The following NID1 variants were observed in gnomAD, a reference collection of about 807,000 sequenced individuals.
The protein encoded by NID1 is nidogen-1.
In NID1, 76 loss-of-function variants were observed where a neutral mutation model predicts 130.6. The ratio of observed to expected loss-of-function variants is 0.58; its 90% CI spans 0.48 to 0.70. The LOEUF is 0.70. Ranked by LOEUF, NID1 falls within the 30% of genes least tolerant of loss-of-function variation. The pLI, the probability that NID1 is intolerant of heterozygous loss-of-function variation, is 0.00. For synonymous variants in NID1, 665 were observed against 675.1 expected (o/e 0.98, Z 0.23); for missense variants, 1,517 against 1,664.8 (o/e 0.91, Z 1.54).
At chr1:236,018,999 A>G (rs1394575017) in intron 9 of NID1, among the ~76,000 whole-genome samples, 1 of 152,230 alleles carries the variant, frequency 6.6e-6, no homozygotes, top group Non-Finnish European at 1.5e-5. Context: ...TCAGCCTCAT[A>G]GTTTGTCCTG....
intron 12 of NID1, among the ~76,000 whole-genome samples, chr1:236,006,846 C>G (rs1658262413): frequency 6.6e-6 from 1 of 151,746 alleles, no homozygotes. Flanking sequence ...TTGCTTGCAT[C>G]TATGTTTTAT....
intron 1 of NID1, among the ~76,000 whole-genome samples, chr1:236,056,333 T>G (rs1659898100): frequency 2.0e-5 from 3 of 152,198 alleles, no homozygotes; most frequent in African/African-American, 7.2e-5. Flanking sequence ...AGACCCACTT[T>G]ATTATTTTAT....
chr1:235,985,355 GA>G, intron 15 of NID1, 23 bp downstream of exon 15: 1 of 1,613,736 alleles, frequency 6.2e-7, no homozygotes, highest in Non-Finnish European at 8.5e-7. Context: ...AACCAAAAAG[GA>G]AAAATGATAT....
At chr1:236,055,026 C>T (rs1009473104) in intron 1 of NID1, among the ~76,000 whole-genome samples, 7 of 151,726 alleles carry the variant, frequency 4.6e-5, no homozygotes, top group South Asian at 4.2e-4. Flanking sequence ...AATTCAGGGC[C>T]GCGTGCGGTG....
intron 3 of NID1, among the ~76,000 whole-genome samples, chr1:236,044,972 G>C (rs999126626): frequency 6.6e-6 from 1 of 152,148 alleles, no homozygotes; most frequent in Non-Finnish European, 1.5e-5. Context: ...GCTGAGGTGG[G>C]CAGATCACCC....
At chr1:236,004,282 C>T (rs753559114) in intron 12 of NID1, among the ~76,000 whole-genome samples, 25 of 152,124 alleles carry the variant, frequency 1.6e-4, no homozygotes, top group African/African-American at 5.5e-4. Context: ...CAAAGCAACA[C>T]GGTGATAAGG....
chr1:235,979,723 A>G lies in NID1; in HGVS notation c.3509+99T>C, dbSNP rs887213524. On this transcript the variant is annotated intron_variant, in intron 18 of 19. Transcript: ENST00000264187. The surrounding 1 kb of genome is among the most constrained non-coding windows in gnomAD (Gnocchi z 4.6). Reference sequence around the variant, plus strand: ...TAGAGGGGGCATTTCTGGAGGCTCAAAAGTCAAGCCAAGAGGCCAGATGGG... The same window carrying G: ...TAGAGGGGGCATTTCTGGAGGCTCAGAAGTCAAGCCAAGAGGCCAGATGGG... 2.1e-4 allele frequency: 296 copies of G among 1,442,854 alleles called. No homozygotes were observed. The highest frequency in any genetic ancestry group is 2.6e-4 in the Non-Finnish European group (270 of 1,041,252). 89.4% of individuals were successfully genotyped at this position (1,442,854 alleles called of 1,614,324 possible).
Position 236,042,058 on chromosome 1 carries a change from G to A in NID1, c.987C>T (p.Pro329=). The A allele has an allele frequency of 6.2e-7, 1 of 1,614,138 alleles. No homozygotes were observed. Among genetic ancestry groups the A allele is most frequent in the Non-Finnish European group, 8.5e-7 (1 of 1,180,032 alleles). Residue 329 remains proline (P), a synonymous_variant, in exon 4 of 20, where the codon CCC becomes CCT. Transcript: ENST00000264187. ...CTGCCCGGCGCGGGGAGAGGACGCT[G>A]GGCACACTGTATGTGTCAGCACCTC... ...RRGGADTYSV[P]SVLSPRRAAT...
At chr1:235,994,208 G>A (rs1047841473) in intron 12 of NID1, among the ~76,000 whole-genome samples, 2 of 152,204 alleles carry the variant, frequency 1.3e-5, no homozygotes, top group Non-Finnish European at 2.9e-5. Context: ...TGTTGCCCAG[G>A]CTGGAGTGCA....
intron 1 of NID1, among the ~76,000 whole-genome samples, chr1:236,052,249 G>A (rs369493302): frequency 1.3e-5 from 2 of 152,314 alleles, no homozygotes; most frequent in South Asian, 2.1e-4. Flanking sequence ...TCAAATGCAC[G>A]ATGCTCCTAT....
At chr1:236,008,615 C>T (rs1442722682) in intron 12 of NID1, among the ~76,000 whole-genome samples, 3 of 152,130 alleles carry the variant, frequency 2.0e-5, no homozygotes, top group South Asian at 4.2e-4. Context: ...ATTCTCCTGC[C>T]TCAACCTCCT....
intron 1 of NID1, among the ~76,000 whole-genome samples, chr1:236,052,603 G>GA (rs562422676): frequency 9.9e-5 from 15 of 150,844 alleles, no homozygotes; most frequent in South Asian, 2.1e-4. Context: ...ACGTTGATGA[G>GA]AAAAAAAAAA....
At chr1:236,006,455 G>A (rs1326674862) in intron 12 of NID1, among the ~76,000 whole-genome samples, 3 of 152,146 alleles carry the variant, frequency 2.0e-5, no homozygotes, top group African/African-American at 7.2e-5. Flanking sequence ...AGACAATTTA[G>A]AGGACAAAGG....
At chr1:236,045,802 C>G in intron 2 of NID1, 119 bp from the exon 3 acceptor site, 1 of 760,526 alleles carries the variant, frequency 1.3e-6, no homozygotes, top group Non-Finnish European at 2.1e-6. Context: ...ATATTCTCAC[C>G]TTATTCTAAA....
rs10495369 is a variant in NID1 at position 235,994,133 on chromosome 1, A to T, written c.2528-261T>A. ...TTTTAAAAAATTGAGGCAAAAAGAAATGAAGCAAATTGATAGAACATACAG... is the reference window on the plus strand; with the variant it reads ...TTTTAAAAAATTGAGGCAAAAAGAATTGAAGCAAATTGATAGAACATACAG... On this transcript the variant is annotated intron_variant, in intron 12 of 19. Coordinates refer to ENST00000264187, the MANE Select transcript of NID1 (RefSeq NM_002508.3). Among the ~76,000 whole-genome samples the T allele has an allele frequency of 0.2, 30,025 of 152,264 alleles. 3,877 individuals are homozygous for T. The highest frequency in any genetic ancestry group is 0.56 in the East Asian group (2,920 of 5,182).
In NID1 at chr1:235,990,940, G is replaced by A. The variant is rs372553525; in HGVS notation, c.2874C>T (p.Pro958=). Residue 958 remains proline, a synonymous_variant, in exon 14 of 20, where the codon CCC becomes CCT. Transcript: ENST00000264187. ...TCTTCCTCATGGTATTTCCCTCCAG[G>A]GGCAGGCGCTCAATCTTCCCAGTCT... ...FAQTGKIERL[P]LEGNTMRKTE... The A allele has an allele frequency of 1.6e-5, 26 of 1,614,034 alleles. 1 individual carries two copies. Among genetic ancestry groups the A allele is most frequent in the Non-Finnish European group, 2.1e-5 (25 of 1,180,042 alleles).
At chr1:235,981,483 TAG>T (rs1657435252) in intron 16 of NID1, 126 bp downstream of exon 16, 1 of 989,574 alleles carries the variant, frequency 1.0e-6, no homozygotes. Context: ...ACCAAAACTG[TAG>T]ACTCTTTCGT....
intron 9 of NID1, among the ~76,000 whole-genome samples, chr1:236,019,108 C>T (rs1012452600): frequency 1.3e-5 from 2 of 152,262 alleles, no homozygotes; most frequent in African/African-American, 4.8e-5. Flanking sequence ...GGTCTCAGGA[C>T]TGAACCAGGC....
chr1:236,030,324 G>GA (rs1407806635), intron 6 of NID1, among the ~76,000 whole-genome samples: 1 of 152,166 alleles, frequency 6.6e-6, no homozygotes, highest in Non-Finnish European at 1.5e-5. Context: ...AGACAGGCAG[G>GA]AAAAATACTT....
Sources: gnomAD v4.1 joint callset for allele counts (sites outside exome capture counted in the v4.1 genomes callset) on GRCh38, gnomAD v4.1.1 for gene constraint, Gnocchi (gnomAD v3.1) non-coding constraint, MANE v1.5 for transcripts, NCBI Gene and HGNC (gene_info 2026-07-23, HGNC 2026-07-21) for gene names.